Variants in DPY19L1 observed in about 807,000 individuals in gnomAD.
The protein encoded by DPY19L1 is dpy-19 like C-mannosyltransferase 1, also known as protein C-mannosyl-transferase DPY19L1.
In DPY19L1, 35 loss-of-function variants were observed where a neutral mutation model predicts 96.9. That is an observed-to-expected ratio of 0.36 (90% CI 0.28 to 0.48). The LOEUF is 0.48. DPY19L1 is among the 20% of genes least tolerant of loss of function. The pLI is 0.99. For synonymous variants in DPY19L1, 205 were observed against 252.6 expected (o/e 0.81, Z 1.79); for missense variants, 521 against 777.9 (o/e 0.67, Z 3.93).
chr7:35,015,390 C>A (rs760396382), intron 3 of DPY19L1, among the ~76,000 whole-genome samples: 1 of 152,150 alleles, frequency 6.6e-6, no homozygotes, highest in Non-Finnish European at 1.5e-5. Flanking sequence ...AAAGACCCTG[C>A]TGATAACACA....
chr7:35,026,932 C>T (rs1786133532), intron 1 of DPY19L1, among the ~76,000 whole-genome samples: 1 of 152,152 alleles, frequency 6.6e-6, no homozygotes, highest in South Asian at 2.1e-4. Flanking sequence ...CATGGTGGCT[C>T]ATGCCTGTAA....
chr7:34,931,435 C>G lies in DPY19L1; in HGVS notation c.*138G>C, dbSNP rs1459831567. On this transcript the variant is annotated 3_prime_UTR_variant, in exon 22 of 22. Coordinates refer to ENST00000638088, the MANE Select transcript of DPY19L1 (RefSeq NM_001366673.1). Reference sequence around the variant, plus strand: ...TCATTTTTATAATTAGAATGACATTCAAATTGACCAAATAAAACGTTTTCT... The same window carrying G: ...TCATTTTTATAATTAGAATGACATTGAAATTGACCAAATAAAACGTTTTCT... The G allele has an allele frequency of 2.4e-5, 29 of 1,188,716 alleles. No individual in the cohort carries two copies. Among genetic ancestry groups the G allele is most frequent in the Admixed American group, 3.1e-5 (1 of 32,334 alleles). 73.6% of individuals were successfully genotyped at this position (1,188,716 alleles called of 1,614,324 possible).
At chr7:34,955,606 A>G (rs1361446350) in intron 11 of DPY19L1, among the ~76,000 whole-genome samples, 1 of 152,214 alleles carries the variant, frequency 6.6e-6, no homozygotes, top group Non-Finnish European at 1.5e-5. Flanking sequence ...GAATCACCAT[A>G]TGTAAATGTC....
Position 34,935,665 on chromosome 7 carries a change from A to G in DPY19L1, c.2090+2329T>C, listed in dbSNP as rs901810498. 1.2e-3 allele frequency among the ~76,000 whole-genome samples: 186 copies of G among 152,236 alleles called. 3 individuals are homozygous for G. The highest frequency in any genetic ancestry group is 2.3e-3 in the African/African-American group (97 of 41,536). On this transcript the variant is annotated intron_variant, in intron 21 of 21. Transcript: ENST00000638088. ...GTTCCCCATCTGCTTCCCCCATTCC[A>G]ACATACTTTCACGTCCCAGCAATCT...
intron 3 of DPY19L1, among the ~76,000 whole-genome samples, chr7:35,016,832 T>C (rs1034859212): frequency 3.1e-4 from 47 of 152,332 alleles, no homozygotes; most frequent in African/African-American, 9.1e-4. Context: ...AGGATTATTG[T>C]GGGTAATTCT....
chr7:35,014,875 C>T (rs1028988546), intron 3 of DPY19L1, among the ~76,000 whole-genome samples: 5 of 152,124 alleles, frequency 3.3e-5, no homozygotes, highest in African/African-American at 1.2e-4. Flanking sequence ...AAGCTACAGG[C>T]ACACAGGGGA....
At position 34,930,475 on chromosome 7, in the gene DPY19L1, T is replaced by G. The variant is rs562935923; in HGVS notation, c.*1098A>C. On this transcript the variant is annotated 3_prime_UTR_variant, in exon 22 of 22. Transcript: ENST00000638088. The stretch of plus-strand genomic sequence containing the variant: ...ACATAAGGCTTAAGGCTTTGTCTTA[T>G]TAAAGACAGGCAATCTTAAAAGTAA... 9.2e-5 allele frequency: 14 copies of G among 152,218 alleles called. No individual in the cohort carries two copies. The highest frequency in any genetic ancestry group is 2.7e-4 in the African/African-American group (11 of 41,462). 9.4% of individuals were successfully genotyped at this position (152,218 alleles called of 1,614,324 possible). A position where few individuals can be genotyped will look rare whatever the true frequency, so the allele number is the denominator to read the frequency against.
At chr7:35,011,968 G>A (rs1231759710) in intron 4 of DPY19L1, among the ~76,000 whole-genome samples, 2 of 152,234 alleles carry the variant, frequency 1.3e-5, no homozygotes, top group Admixed American at 1.3e-4. Flanking sequence ...TGGCTAGACA[G>A]ATCAATAACC....
intron 14 of DPY19L1, 72 bp downstream of exon 14, chr7:34,949,725 T>C: frequency 1.1e-6 from 1 of 927,296 alleles, no homozygotes; most frequent in Admixed American, 2.3e-5. Flanking sequence ...GAGTCTGATA[T>C]AAGAGGAGCA....
intron 3 of DPY19L1, 85 bp downstream of exon 3, chr7:35,017,797 A>G (rs1785896724): frequency 9.2e-7 from 1 of 1,086,562 alleles, no homozygotes. Flanking sequence ...CTACTTTGGA[A>G]CATCTTGAAA....
chr7:35,007,723 T>C (rs899052678), intron 6 of DPY19L1, among the ~76,000 whole-genome samples: 1 of 152,076 alleles, frequency 6.6e-6, no homozygotes, highest in African/African-American at 2.4e-5. Context: ...TAAAATGAAA[T>C]GGGCTCAACC....
At chr7:35,012,576 C>A (rs1390206640) in intron 4 of DPY19L1, among the ~76,000 whole-genome samples, 1 of 152,084 alleles carries the variant, frequency 6.6e-6, no homozygotes, top group Non-Finnish European at 1.5e-5. Flanking sequence ...TTTCAAAAAA[C>A]AATTCAAGGT....
intron 9 of DPY19L1, among the ~76,000 whole-genome samples, chr7:34,967,423 A>G (rs919379088): frequency 6.6e-6 from 1 of 152,198 alleles, no homozygotes; most frequent in Non-Finnish European, 1.5e-5. Context: ...ACTCTTTACA[A>G]GTATCTCCAT....
intron 10 of DPY19L1, among the ~76,000 whole-genome samples, chr7:34,964,153 T>C (rs1234425821): frequency 6.6e-6 from 1 of 151,900 alleles, no homozygotes; most frequent in East Asian, 1.9e-4. Context: ...ATTCTATATA[T>C]TTTTTTCTTT....
Position 34,947,716 on chromosome 7 carries a change from G to C in DPY19L1, c.1423-15C>G, listed in dbSNP as rs549939236. On this transcript the variant is annotated splice_polypyrimidine_tract_variant and intron_variant, in intron 14 of 21. Transcript: ENST00000638088. ...CTCAGTGGAGTCTGAAATTCAAAGA[G>C]ATGTTTTGTTAGAAGGAAACATTTT... 5.0e-6 allele frequency: 8 copies of C among 1,595,282 alleles called. No individual in the cohort carries two copies. The South Asian group carries it at 5.7e-5, about 11-fold the overall frequency.
chr7:34,975,578 G>C (rs328894), intron 7 of DPY19L1, among the ~76,000 whole-genome samples: 7,384 of 152,260 alleles, frequency 0.048, 400 homozygotes, highest in African/African-American at 0.13. Flanking sequence ...CATAACTGAG[G>C]TAGGTTGCTG....
At position 35,005,708 on chromosome 7, in the gene DPY19L1, G is replaced by A. The variant is rs151336240; in HGVS notation, c.764+4760C>T. 6.6e-5 allele frequency among the ~76,000 whole-genome samples: 10 copies of A among 151,308 alleles called. No homozygotes were observed. The East Asian group carries it at 1.9e-3, about 29-fold the overall frequency. On this transcript the variant is annotated intron_variant, in intron 6 of 21. Coordinates refer to ENST00000638088, the MANE Select transcript of DPY19L1 (RefSeq NM_001366673.1). ...CGCGCCTGTAATCCCAGATACTCAG[G>A]AGGCTGAGACGAGAATTGCTTGAAC...
chr7:34,955,602 C>A (rs2114732), intron 11 of DPY19L1, among the ~76,000 whole-genome samples: 2 of 151,912 alleles, frequency 1.3e-5, no homozygotes, highest in Admixed American at 6.6e-5. Context: ...AAAGGAATCA[C>A]CATATGTAAA....
chr7:35,027,893 C>T (rs329259), intron 1 of DPY19L1, among the ~76,000 whole-genome samples: 30,291 of 151,836 alleles, frequency 0.2, 3,360 homozygotes, highest in Admixed American at 0.35. Context: ...AACTACTGCC[C>T]CTAGTAAGAT....
Sources: allele counts gnomAD v4.1 joint callset (sites outside exome capture counted in the v4.1 genomes callset), GRCh38; gene constraint gnomAD v4.1.1; transcripts MANE v1.5; gene names NCBI Gene and HGNC (gene_info 2026-07-23, HGNC 2026-07-21).